Variants in ST3GAL3 observed in about 807,000 individuals in gnomAD.
ST3GAL3 encodes ST3 beta-galactoside alpha-2,3-sialyltransferase 3, also known as CMP-N-acetylneuraminate-beta-1,4-galactoside alpha-2,3-sialyltransferase.
ST3GAL3 carries 21 observed loss-of-function variants against 50.1 expected under a neutral mutation model. The observed-to-expected ratio is 0.42, with a 90% CI of 0.30 to 0.60. The LOEUF is 0.60. ST3GAL3 is among the 20% of genes least tolerant of loss of function. The pLI is 0.19. For synonymous variants in ST3GAL3, 183 were observed against 190.0 expected (o/e 0.96, Z 0.30); for missense variants, 353 against 489.4 (o/e 0.72, Z 2.63).
In ST3GAL3 at chr1:43,899,779, C is replaced by T. The variant is rs2154271049; in HGVS notation, c.744+52C>T. ...CCCCTCTTGCCCTGGGCTTCCGCAA[C>T]TCCTAAGCAATCCCGCCCCTTGAAT... is the stretch of plus-strand genomic sequence containing the variant. On this transcript the variant is annotated intron_variant, in intron 9 of 11. Transcript: ENST00000347631. This position sits in a 1 kb window ranked among gnomAD's most constrained non-coding sequence, Gnocchi z 5.4. The T allele has an allele frequency of 6.5e-7, 1 of 1,533,470 alleles. No homozygotes were observed. The highest frequency in any genetic ancestry group is 1.4e-5 in the African/African-American group (1 of 73,286). The allele number at this position is 1,533,470 out of a possible 1,614,324, so 95.0% of individuals were successfully genotyped here.
Position 43,841,860 on chromosome 1 carries a change from C to A in ST3GAL3, c.302+3549C>A, listed in dbSNP as rs1043426216. 64 of 152,208 alleles carry A rather than the reference C, an allele frequency of 4.2e-4. 3 individuals are homozygous for A. Among genetic ancestry groups the A allele is most frequent in the Non-Finnish European group, 5.9e-5 (4 of 68,040 alleles). 9.4% of individuals were successfully genotyped at this position (152,208 alleles called of 1,614,324 possible). A position where few individuals can be genotyped will look rare whatever the true frequency, so the allele number is the denominator to read the frequency against. ...TTTTCCCAATTTTTATGCTCTGCTT[C>A]CCTTTTAAATATAAATTCCAACTTT... On this transcript the variant is annotated intron_variant, in intron 5 of 11. Coordinates refer to ENST00000347631, the MANE Select transcript of ST3GAL3 (RefSeq NM_006279.5).
intron 4 of ST3GAL3, among the ~76,000 whole-genome samples, chr1:43,827,522 GT>G (rs927494462): frequency 6.6e-6 from 1 of 151,674 alleles, no homozygotes; most frequent in Non-Finnish European, 1.5e-5. Context: ...GGGTTTTGGG[GT>G]TTTTTTTGAA....
chr1:43,921,909 G>A (rs541627308), intron 11 of ST3GAL3: 40 of 397,390 alleles, frequency 1.0e-4, no homozygotes, highest in Non-Finnish European at 1.7e-4. Context: ...GCCAATTCCA[G>A]TGGACACAAC....
intron 2 of ST3GAL3, among the ~76,000 whole-genome samples, chr1:43,765,501 A>G (rs535949024): frequency 5.3e-5 from 8 of 152,178 alleles, no homozygotes; most frequent in African/African-American, 1.9e-4. Context: ...TTTCATCACT[A>G]TTGGTGAATC....
intron 2 of ST3GAL3, among the ~76,000 whole-genome samples, chr1:43,780,604 C>T (rs1044993927): frequency 6.7e-6 from 1 of 149,788 alleles, no homozygotes; most frequent in Non-Finnish European, 1.5e-5. Flanking sequence ...AATCATTTTC[C>T]ATCTCTATCT....
intron 4 of ST3GAL3, among the ~76,000 whole-genome samples, chr1:43,837,238 C>T (rs1189799725): frequency 6.6e-6 from 1 of 152,104 alleles, no homozygotes; most frequent in East Asian, 1.9e-4. Flanking sequence ...GCACTTAGCC[C>T]AATCCGAGGG....
intron 4 of ST3GAL3, among the ~76,000 whole-genome samples, chr1:43,825,538 A>G (rs576345077): frequency 6.6e-6 from 1 of 152,326 alleles, no homozygotes; most frequent in East Asian, 1.9e-4. Context: ...AAGATGTAAG[A>G]TTTGTCTTTT....
intron 4 of ST3GAL3, among the ~76,000 whole-genome samples, chr1:43,833,152 C>G (rs2063771956): frequency 6.6e-6 from 1 of 152,190 alleles, no homozygotes; most frequent in Non-Finnish European, 1.5e-5. Context: ...CATCACTGAT[C>G]TGTAGAGTCC....
chr1:43,845,889 C>T (rs575136946), intron 5 of ST3GAL3, among the ~76,000 whole-genome samples: 7 of 152,154 alleles, frequency 4.6e-5, no homozygotes, highest in Non-Finnish European at 7.4e-5. Context: ...ATTTCTACTT[C>T]GGCCTATTAG....
chr1:43,721,412 C>G (rs1670406771), intron 1 of ST3GAL3, among the ~76,000 whole-genome samples: 1 of 148,688 alleles, frequency 6.7e-6, no homozygotes, highest in African/African-American at 2.5e-5. Flanking sequence ...TCAAGCAATT[C>G]TCCTGCCTCA....
intron 2 of ST3GAL3, among the ~76,000 whole-genome samples, chr1:43,740,106 G>A (rs182427338): frequency 4.7e-4 from 71 of 152,256 alleles, no homozygotes; most frequent in African/African-American, 1.6e-3. Flanking sequence ...GCTCACACCT[G>A]TAATCCCAGC....
At chr1:43,929,132 T>C (rs1206278783) in intron 11 of ST3GAL3, among the ~76,000 whole-genome samples, 1 of 152,136 alleles carries the variant, frequency 6.6e-6, no homozygotes, top group Non-Finnish European at 1.5e-5. Flanking sequence ...CTTCTAGTAA[T>C]TTTGAAATAT....
chr1:43,810,913 G>A (rs1382589864), intron 3 of ST3GAL3, among the ~76,000 whole-genome samples: 4 of 149,938 alleles, frequency 2.7e-5, no homozygotes, highest in Non-Finnish European at 2.9e-5. Context: ...AGTCACTTTC[G>A]GTCACCCCTG....
At position 43,771,734 on chromosome 1, in the gene ST3GAL3, GT is replaced by G; in HGVS notation, c.119-20367del. On this transcript the variant is annotated intron_variant, in intron 2 of 11. Transcript: ENST00000347631. ...GATTATAATGTTTTAATAAAGTTGT[GT>G]GTGTGTGTGTGTGTGTGTGTGTGTG... 51 of 50,044 alleles carry G rather than the reference GT, an allele frequency of 1.0e-3. 2 individuals are homozygous for G. The highest frequency in any genetic ancestry group is 2.6e-3 in the Non-Finnish European group (38 of 14,842). The allele number at this position is 50,044 out of a possible 1,614,324, so 3.1% of individuals were successfully genotyped here. A position where few individuals can be genotyped will look rare whatever the true frequency, so the allele number is the denominator to read the frequency against.
intron 11 of ST3GAL3, among the ~76,000 whole-genome samples, chr1:43,927,139 G>T (rs1290598984): frequency 6.6e-6 from 1 of 152,186 alleles, no homozygotes. Flanking sequence ...AGACTAGCCT[G>T]CCCAACATGG....
intron 2 of ST3GAL3, among the ~76,000 whole-genome samples, chr1:43,787,404 C>A (rs2057480861): frequency 6.6e-6 from 1 of 152,236 alleles, no homozygotes; most frequent in Non-Finnish European, 1.5e-5. Context: ...CTAAAATAAT[C>A]TTACGTCCTT....
At chr1:43,889,203 T>TACACACAC (rs59739550) in intron 5 of ST3GAL3, among the ~76,000 whole-genome samples, 6,087 of 148,080 alleles carry the variant, frequency 0.041, 154 homozygotes, top group Admixed American at 0.075. Context: ...GGAACAGGAA[T>TACACACAC]ACACACACAC....
intron 1 of ST3GAL3, chr1:43,709,347 A>G (rs991691529): frequency 2.6e-5 from 4 of 152,216 alleles, no homozygotes; most frequent in African/African-American, 7.2e-5. Context: ...GTAGCTAACT[A>G]TCAGGAATAC....
intron 1 of ST3GAL3, among the ~76,000 whole-genome samples, chr1:43,728,320 C>T (rs1673932492): frequency 6.7e-6 from 1 of 148,744 alleles, no homozygotes; most frequent in Admixed American, 6.7e-5. Context: ...GCCTGGGCAA[C>T]AAGAGCGAAA....
Sources: gnomAD v4.1 joint callset for allele counts (sites outside exome capture counted in the v4.1 genomes callset) on GRCh38, gnomAD v4.1.1 for gene constraint, Gnocchi (gnomAD v3.1) non-coding constraint, MANE v1.5 for transcripts, NCBI Gene and HGNC (gene_info 2026-07-23, HGNC 2026-07-21) for gene names.